The following KIAA1210 variants were observed in gnomAD, a reference collection of about 807,000 sequenced individuals.
KIAA1210 encodes the protein KIAA1210.
In KIAA1210, 48 loss-of-function variants were observed where a neutral mutation model predicts 78.9. That is an observed-to-expected ratio of 0.61 (90% CI 0.48 to 0.77). The LOEUF is 0.77. Among genes scored for constraint, KIAA1210 ranks in the 30% least tolerant of loss-of-function variants. The pLI, the probability that KIAA1210 is intolerant of heterozygous loss-of-function variation, is 0.00. For synonymous variants in KIAA1210, 406 were observed against 404.5 expected (o/e 1.00, Z -0.04); for missense variants, 1,108 against 1,100.0 (o/e 1.01, Z -0.10).
chrX:119,125,735 A>ATT lies in KIAA1210; in HGVS notation c.-11+1990_-11+1991dup, dbSNP rs1163974116. On this transcript the variant is annotated intron_variant, in intron 1 of 11. Transcript: ENST00000691062. ...AATACATATATATATATATATATAT[A>ATT]TTTTTTTTTTTTTTTTTTTGGAGAG... 8.9e-4 allele frequency among the ~76,000 whole-genome samples: 14 copies of ATT among 15,789 alleles called. 1 individual carries two copies. The highest frequency in any genetic ancestry group is 3.1e-3 in the African/African-American group (12 of 3,840). 13.7% of individuals were successfully genotyped at this position (15,789 alleles called of 115,157 possible).
intron 3 of KIAA1210, 36 bp from the exon 4 acceptor site, chrX:119,109,238 A>G (rs1333418293): frequency 5.2e-6 from 6 of 1,164,711 alleles, no homozygotes; most frequent in Non-Finnish European, 6.9e-6. Context: ...AAAGCAACCC[A>G]AGGGCCATGG....
At chrX:119,111,325 A>C (rs753579152) in intron 3 of KIAA1210, among the ~76,000 whole-genome samples, 1 of 112,154 alleles carries the variant, frequency 8.9e-6, no homozygotes, top group Admixed American at 9.4e-5. Context: ...TTGCAGCACT[A>C]TTCACAATAG....
In KIAA1210 at chrX:119,088,125, T is replaced by C; in HGVS notation, c.2577A>G (p.Ser859=). The change falls in exon 9 of 12, where the codon TCA becomes TCG. Residue 859 remains serine, a synonymous_variant. Coordinates refer to ENST00000691062, the MANE Select transcript of KIAA1210 (RefSeq NM_001394962.1). ...SLTDPQIRQI[S]ESTAVEEGTY... is the part of the protein sequence containing the mutation. ...TGCCTTCCTCAACAGCTGTGCTTTCTGAGATTTGCCGGATTTGAGGATCTG... is the reference window on the plus strand; with the variant it reads ...TGCCTTCCTCAACAGCTGTGCTTTCCGAGATTTGCCGGATTTGAGGATCTG... The C allele has an allele frequency of 8.3e-7, 1 of 1,211,296 alleles. No individual in the cohort carries two copies. The highest frequency in any genetic ancestry group is 1.1e-6 in the Non-Finnish European group (1 of 894,991).
At chrX:119,132,355 A>G (rs898980294), upstream of KIAA1210, among the ~76,000 whole-genome samples, 1 of 111,717 alleles carries the variant, frequency 9.0e-6, no homozygotes, top group Non-Finnish European at 1.9e-5. Context: ...TCTAGCTCTA[A>G]TTGCAGATGA....
In KIAA1210 at chrX:119,096,365, T is replaced by C. The variant is rs991410072; in HGVS notation, c.846+129A>G. ...GGTGTCAAGCTTAGGACAGCACCCT[T>C]GACCTTGCCAAGCTTACTTAGGGCA... On this transcript the variant is annotated intron_variant, in intron 7 of 11. Coordinates refer to ENST00000691062, the MANE Select transcript of KIAA1210 (RefSeq NM_001394962.1). 7.6e-5 allele frequency: 45 copies of C among 588,806 alleles called. No individual in the cohort carries two copies. The African/African-American group carries it at 7.8e-4, about 10-fold the overall frequency. 48.5% of individuals were successfully genotyped at this position (588,806 alleles called of 1,213,427 possible).
intron 2 of KIAA1210, among the ~76,000 whole-genome samples, chrX:119,122,829 C>T (rs2147190458): frequency 8.9e-6 from 1 of 112,134 alleles, no homozygotes; most frequent in Admixed American, 9.4e-5. Context: ...TCCCCTGCCC[C>T]ACATCATGTG....
chrX:119,142,186 C>A (rs1409318704), intron 2 of KIAA1210, among the ~76,000 whole-genome samples: 1 of 111,665 alleles, frequency 9.0e-6, no homozygotes, highest in Non-Finnish European at 1.9e-5. Context: ...TGTGAAGATT[C>A]ATTCATTTAA....
chrX:119,150,170 GTC>G (rs1929259268), intron 1 of KIAA1210: 3 of 755,228 alleles, frequency 4.0e-6, no homozygotes, highest in Non-Finnish European at 5.7e-6. Context: ...GCTTTGTCCA[GTC>G]TCTCTCCCTG....
intron 1 of KIAA1210, chrX:119,150,197 TA>T: frequency 1.1e-6 from 1 of 945,103 alleles, no homozygotes; most frequent in Non-Finnish European, 1.4e-6. Context: ...GTCTGTTATA[TA>T]AACATCACCC....
At chrX:119,145,032 A>G (rs1052236427) in intron 2 of KIAA1210, among the ~76,000 whole-genome samples, 1 of 111,805 alleles carries the variant, frequency 8.9e-6, no homozygotes, top group African/African-American at 3.3e-5. Context: ...AAAATTAAAT[A>G]CTCAGTTCTT....
At chrX:119,124,142 G>A (rs770720304) in intron 1 of KIAA1210, among the ~76,000 whole-genome samples, 1 of 111,764 alleles carries the variant, frequency 8.9e-6, no homozygotes. Context: ...GACTACAGGC[G>A]CATGCCACAA....
At chrX:119,103,511 G>C (rs182310528) in intron 6 of KIAA1210, among the ~76,000 whole-genome samples, 1 of 111,741 alleles carries the variant, frequency 8.9e-6, no homozygotes, top group East Asian at 2.8e-4. Context: ...ATGTAAAGTG[G>C]TATTGCTGTT....
chrX:119,112,305 G>C (rs73592481), intron 3 of KIAA1210, among the ~76,000 whole-genome samples: 3,944 of 111,257 alleles, frequency 0.035, 190 homozygotes, highest in African/African-American at 0.12. Context: ...AGGTTACTAG[G>C]AAGAAAATGA....
intron 3 of KIAA1210, among the ~76,000 whole-genome samples, chrX:119,114,243 G>A (rs1325318921): frequency 9.0e-6 from 1 of 111,294 alleles, no homozygotes; most frequent in African/African-American, 3.3e-5. Context: ...TCATGTTATG[G>A]GGATTAAAAC....
chrX:119,148,195 T>G (rs1461033869), intron 1 of KIAA1210, among the ~76,000 whole-genome samples: 1 of 111,554 alleles, frequency 9.0e-6, no homozygotes, highest in Non-Finnish European at 1.9e-5. Context: ...TTAGGCTGAA[T>G]TGACCTCTGC....
intron 2 of KIAA1210, among the ~76,000 whole-genome samples, chrX:119,144,798 C>T (rs1929129616): frequency 8.9e-6 from 1 of 112,018 alleles, no homozygotes; most frequent in Non-Finnish European, 1.9e-5. Context: ...TACTCACCAT[C>T]CTGAAAAGTA....
chrX:119,129,281 A>T (rs1420835380), upstream of KIAA1210, among the ~76,000 whole-genome samples: 1 of 111,233 alleles, frequency 9.0e-6, no homozygotes, highest in African/African-American at 3.3e-5. Flanking sequence ...TTATTGAAAA[A>T]TTCAATAAAA....
At chrX:119,133,147 CT>C (rs1928833573) in intron 2 of KIAA1210, among the ~76,000 whole-genome samples, 1 of 111,417 alleles carries the variant, frequency 9.0e-6, no homozygotes, top group South Asian at 3.8e-4. Context: ...GAAAGGGCCC[CT>C]ATACCCCTTA....
At chrX:119,113,262 G>A (rs916735465) in intron 3 of KIAA1210, among the ~76,000 whole-genome samples, 1 of 111,322 alleles carries the variant, frequency 9.0e-6, no homozygotes. Context: ...AATTTATTAT[G>A]ATGATGATTG....
Sources: gnomAD v4.1 joint callset for allele counts (sites outside exome capture counted in the v4.1 genomes callset) on GRCh38, gnomAD v4.1.1 for gene constraint, MANE v1.5 for transcripts, NCBI Gene and HGNC (gene_info 2026-07-23, HGNC 2026-07-21) for gene names.